ESRRG: variants seen among roughly 807,000 people sequenced by gnomAD.
ESRRG encodes estrogen related receptor gamma.
A neutral mutation model predicts 44.0 loss-of-function variants in ESRRG; 13 were observed. The observed-to-expected ratio is 0.30, with a 90% CI of 0.19 to 0.47. ESRRG has a LOEUF of 0.47. Among genes scored for constraint, ESRRG ranks in the 20% least tolerant of loss-of-function variants. The pLI is 1.00. For synonymous variants in ESRRG, 215 were observed against 214.6 expected (o/e 1.00, Z -0.02); for missense variants, 395 against 580.6 (o/e 0.68, Z 3.29).
rs114561905 is a variant in ESRRG at position 216,928,956 on chromosome 1, G to A, written c.-14+10626C>T. Among the ~76,000 whole-genome samples, 842 of 152,212 alleles carry A rather than the reference G, an allele frequency of 5.5e-3. 3 individuals carry two copies. Among genetic ancestry groups the A allele is most frequent in the African/African-American group, 0.019 (773 of 41,522 alleles). On this transcript the variant is annotated intron_variant, in intron 2 of 7. Transcript: ENST00000359162. The stretch of plus-strand genomic sequence containing the variant: ...GGGATGCTAGGGATAGGAGGAGAGC[G>A]GAAATGGGAATTATTGTTGAATAGG...
intron 2 of ESRRG, among the ~76,000 whole-genome samples, chr1:216,845,327 C>A (rs773513713): frequency 1.3e-5 from 2 of 152,146 alleles, no homozygotes; most frequent in Non-Finnish European, 1.5e-5. Context: ...GTCAAACGTG[C>A]AAGAGCCTTT....
chr1:217,026,874 T>C (rs1009796441), intron 1 of ESRRG, among the ~76,000 whole-genome samples: 24 of 104,024 alleles, frequency 2.3e-4, no homozygotes, highest in African/African-American at 7.2e-4. Context: ...ACCACACACA[T>C]ATACACACAC....
At chr1:216,934,310 T>A (rs557380337) in intron 2 of ESRRG, among the ~76,000 whole-genome samples, 40 of 152,166 alleles carry the variant, frequency 2.6e-4, no homozygotes, top group Non-Finnish European at 5.4e-4. Context: ...GGCAGGGACC[T>A]ATAATACCAC....
intron 3 of ESRRG, among the ~76,000 whole-genome samples, chr1:216,576,932 A>G (rs976763382): frequency 1.3e-5 from 2 of 151,932 alleles, no homozygotes; most frequent in African/African-American, 4.8e-5. Flanking sequence ...GCCTTACAAT[A>G]CCCAATATCT....
chr1:216,857,032 A>C (rs1413458097), intron 2 of ESRRG, among the ~76,000 whole-genome samples: 2 of 152,122 alleles, frequency 1.3e-5, no homozygotes, highest in African/African-American at 4.8e-5. Flanking sequence ...GTCTTGCTGC[A>C]CCGGTCTGCA....
At chr1:216,812,365 A>T (rs1009959947) in intron 2 of ESRRG, among the ~76,000 whole-genome samples, 5 of 152,204 alleles carry the variant, frequency 3.3e-5, no homozygotes, top group African/African-American at 4.8e-5. Flanking sequence ...TTTAAAAATA[A>T]GGTTATATCT....
chr1:216,973,249 C>G (rs530358826), intron 1 of ESRRG, among the ~76,000 whole-genome samples: 1 of 152,118 alleles, frequency 6.6e-6, no homozygotes, highest in Non-Finnish European at 1.5e-5. Flanking sequence ...GCCATGATAC[C>G]GGCCTAATGA....
At chr1:216,850,921 G>A (rs1433310624) in intron 2 of ESRRG, among the ~76,000 whole-genome samples, 1 of 151,588 alleles carries the variant, frequency 6.6e-6, no homozygotes, top group Non-Finnish European at 1.5e-5. Flanking sequence ...AGGCTGTCAT[G>A]TAAAGTGCTG....
intron 1 of ESRRG, among the ~76,000 whole-genome samples, chr1:217,049,318 G>A (rs1019855738): frequency 2.0e-5 from 3 of 152,106 alleles, no homozygotes; most frequent in African/African-American, 4.8e-5. Context: ...GAATGAAGCC[G>A]GCACAGTCTC....
At chr1:216,756,265 G>A (rs2092439778) in intron 2 of ESRRG, among the ~76,000 whole-genome samples, 1 of 151,926 alleles carries the variant, frequency 6.6e-6, no homozygotes, top group South Asian at 2.1e-4. Flanking sequence ...ATAAATATTA[G>A]GGTTTTTTCT....
intron 1 of ESRRG, among the ~76,000 whole-genome samples, chr1:217,072,826 C>T (rs577326218): frequency 6.6e-6 from 1 of 152,138 alleles, no homozygotes; most frequent in African/African-American, 2.4e-5. Context: ...CCTGGTTTTG[C>T]AGCTCATGTG....
At chr1:217,032,233 C>T (rs1294392258) in intron 1 of ESRRG, among the ~76,000 whole-genome samples, 1 of 152,300 alleles carries the variant, frequency 6.6e-6, no homozygotes, top group South Asian at 2.1e-4. Context: ...CTTTTAACTA[C>T]TGAAAATTAA....
intron 3 of ESRRG, among the ~76,000 whole-genome samples, chr1:216,650,384 A>T (rs1197731910): frequency 2.0e-5 from 3 of 152,208 alleles, no homozygotes; most frequent in Non-Finnish European, 2.9e-5. Context: ...CAATAGGTTC[A>T]GTTCCTGGCT....
At chr1:216,840,841 T>C (rs902291999) in intron 2 of ESRRG, among the ~76,000 whole-genome samples, 1 of 152,122 alleles carries the variant, frequency 6.6e-6, no homozygotes, top group Non-Finnish European at 1.5e-5. Context: ...ATGGGTATGG[T>C]TTGTGGTCCC....
intron 2 of ESRRG, among the ~76,000 whole-genome samples, chr1:216,675,942 C>T (rs919290391): frequency 6.6e-6 from 1 of 152,130 alleles, no homozygotes; most frequent in African/African-American, 2.4e-5. Context: ...TGAGCCCTGA[C>T]ATCAGCATGT....
At position 216,793,591 on chromosome 1, in the gene ESRRG, C is replaced by T. The variant is rs554322210; in HGVS notation, c.-13-116100G>A. ...GCAGCCCTGCCCAACACCTTGAGTG[C>T]AACCTCATGAGAGACCTTGAGACAG... On this transcript the variant is annotated intron_variant, in intron 2 of 7. Coordinates refer to the ESRRG transcript ENST00000359162. Among the ~76,000 whole-genome samples the T allele has an allele frequency of 7.9e-4, 120 of 152,284 alleles. 1 individual carries two copies. The highest frequency in any genetic ancestry group is 2.6e-3 in the African/African-American group (110 of 41,564).
intron 3 of ESRRG, among the ~76,000 whole-genome samples, chr1:216,603,727 A>C (rs2059544961): frequency 6.6e-6 from 1 of 152,018 alleles, no homozygotes; most frequent in Admixed American, 6.5e-5. Context: ...CCAGGAGTTC[A>C]AGACCAGCCT....
At chr1:216,774,030 T>C (rs1411759314) in intron 2 of ESRRG, among the ~76,000 whole-genome samples, 1 of 152,124 alleles carries the variant, frequency 6.6e-6, no homozygotes, top group African/African-American at 2.4e-5. Flanking sequence ...CAGTTCTATA[T>C]AAAGAGCATT....
chr1:216,789,459 C>A (rs982720241), intron 2 of ESRRG, among the ~76,000 whole-genome samples: 2 of 152,090 alleles, frequency 1.3e-5, no homozygotes, highest in Admixed American at 1.3e-4. Context: ...GCTATTGCAG[C>A]ACACTTAATA....
Sources: gnomAD v4.1 joint callset for allele counts (sites outside exome capture counted in the v4.1 genomes callset) on GRCh38, gnomAD v4.1.1 for gene constraint, MANE v1.5 for transcripts, NCBI Gene and HGNC (gene_info 2026-07-23, HGNC 2026-07-21) for gene names.